The following PLG variants were observed in gnomAD, a reference collection of about 807,000 sequenced individuals.
PLG encodes the protein plasminogen.
PLG carries 41 observed loss-of-function variants against 104.4 expected under a neutral mutation model. That is an observed-to-expected ratio of 0.39 (90% CI 0.31 to 0.51). PLG has a LOEUF of 0.51. Among genes scored for constraint, PLG ranks in the 20% least tolerant of loss-of-function variants. The pLI, the probability that PLG is intolerant of heterozygous loss-of-function variation, is 0.76. For missense variants in PLG, 891 were observed against 1,003.6 expected (o/e 0.89, Z 1.52); for synonymous variants, 337 against 357.1 (o/e 0.94, Z 0.63).
In PLG at chr6:160,718,429, A is replaced by G. The variant is rs1228855762; in HGVS notation, c.923A>G (p.Asn308Ser). The change falls in exon 8 of 19, where the codon AAC (asparagine) becomes AGC (serine). Residue 308 changes from asparagine to serine, a missense_variant. Coordinates refer to ENST00000308192, the MANE Select transcript of PLG (RefSeq NM_000301.5). ...HWSAQTPHTH[N>S]RTPENFPCKN... The stretch of plus-strand genomic sequence containing the variant: ...AGTGCACAGACCCCTCACACACATA[A>G]CAGGACACCAGAAAACTTCCCCTGC... The G allele has an allele frequency of 6.2e-7, 1 of 1,613,644 alleles. No individual in the cohort carries two copies. Among genetic ancestry groups the G allele is most frequent in the African/African-American group, 1.3e-5 (1 of 74,890 alleles).
In PLG at chr6:160,731,989, C is replaced by G. The variant is rs570472903; in HGVS notation, c.1587+96C>G. Reference sequence around the variant, plus strand: ...TACAGAAAATCTGACCTGGACTGCTCTTTTTTGTAATGGGGGAGAGGGGAC... The same window carrying G: ...TACAGAAAATCTGACCTGGACTGCTGTTTTTTGTAATGGGGGAGAGGGGAC... On this transcript the variant is annotated intron_variant, in intron 12 of 18. Coordinates refer to ENST00000308192, the MANE Select transcript of PLG (RefSeq NM_000301.5). The surrounding 1 kb of genome is among the most constrained non-coding windows in gnomAD (Gnocchi z 5.1). 10 of 1,276,816 alleles carry G rather than the reference C, an allele frequency of 7.8e-6. No individual in the cohort carries two copies. The highest frequency in any genetic ancestry group is 1.8e-4 in the Middle Eastern group (1 of 5,430). 79.1% of individuals were successfully genotyped at this position (1,276,816 alleles called of 1,614,324 possible).
At chr6:160,750,353 C>G (rs1778382686) in intron 17 of PLG, among the ~76,000 whole-genome samples, 1 of 152,204 alleles carries the variant, frequency 6.6e-6, no homozygotes, top group Non-Finnish European at 1.5e-5. Context: ...GGTGCCATCT[C>G]TACATCTACC....
At chr6:160,722,013 C>G (rs558850076) in intron 9 of PLG, among the ~76,000 whole-genome samples, 32 of 152,296 alleles carry the variant, frequency 2.1e-4, no homozygotes, top group African/African-American at 7.7e-4. Flanking sequence ...GAGGAAGGAG[C>G]TAGAGAAATG....
chr6:160,709,831 C>T (rs1323136532), intron 3 of PLG, among the ~76,000 whole-genome samples: 1 of 152,222 alleles, frequency 6.6e-6, no homozygotes, highest in East Asian at 1.9e-4. Flanking sequence ...ATGTTAGGAG[C>T]ACTTTCCCCA....
chr6:160,709,823 G>A (rs1777604024), intron 3 of PLG, among the ~76,000 whole-genome samples: 1 of 152,238 alleles, frequency 6.6e-6, no homozygotes, highest in South Asian at 2.1e-4. Context: ...CTGTAGGTAT[G>A]TTAGGAGCAC....
intron 1 of PLG, among the ~76,000 whole-genome samples, chr6:160,704,643 T>C (rs1315241577): frequency 6.6e-6 from 1 of 152,358 alleles, no homozygotes; most frequent in African/African-American, 2.4e-5. Context: ...TCTTTTGATA[T>C]ATCTCTCAAG....
At chr6:160,730,683 T>A (rs1777985187) in intron 10 of PLG, 1 of 261,978 alleles carries the variant, frequency 3.8e-6, no homozygotes, top group East Asian at 9.3e-5. Context: ...GATATACTTT[T>A]ATGTGCATAA....
intron 3 of PLG, chr6:160,708,216 G>A (rs1777567955): frequency 6.0e-6 from 1 of 166,778 alleles, no homozygotes; most frequent in South Asian, 1.5e-4. Flanking sequence ...CAGAAATACT[G>A]AGGTGTTTTA....
chr6:160,726,533 A>T lies in PLG; in HGVS notation c.1256+3966A>T, dbSNP rs1402584626. 6.6e-6 allele frequency among the ~76,000 whole-genome samples: 1 copy of T among 152,016 alleles called. No individual in the cohort carries two copies. Among genetic ancestry groups the T allele is most frequent in the Non-Finnish European group, 1.5e-5 (1 of 67,886 alleles). On this transcript the variant is annotated intron_variant, in intron 10 of 18. Coordinates refer to ENST00000308192, the MANE Select transcript of PLG (RefSeq NM_000301.5). The surrounding 1 kb of genome is among the most constrained non-coding windows in gnomAD (Gnocchi z 4.4). ...TCAAAGTATGCTCTGGAGAAACCTG[A>T]AGTCTCTTGAGATCCCTTCAGAGAC...
Position 160,731,220 on chromosome 6 carries a change from C to A in PLG, c.1426C>A (p.Pro476Thr). 1 of 1,613,758 alleles carries A rather than the reference C, an allele frequency of 6.2e-7. No homozygotes were observed. Among genetic ancestry groups the A allele is most frequent in the Admixed American group, 1.7e-5 (1 of 60,012 alleles). ...TGTCCTGCTTCCAGATGTAGAGACT[C>A]CTTCCGAAGAAGGTAAGAAATCTGT... ...PVVLLPDVET[P>T]SEEDCMFGNG... Residue 476 changes from proline (P) to threonine (T), a missense_variant, in exon 11 of 19, where the codon CCT becomes ACT. Pro to Thr is a conservative substitution (Grantham distance 38). This residue lies in a region of PLG where 854 missense variants were observed against 932.1 expected (regional missense o/e 0.92). Transcript: ENST00000308192. This position sits in a 1 kb window ranked among gnomAD's most constrained non-coding sequence, Gnocchi z 5.1.
intron 1 of PLG, among the ~76,000 whole-genome samples, chr6:160,705,004 T>A (rs1160955884): frequency 6.6e-6 from 1 of 152,202 alleles, no homozygotes; most frequent in Non-Finnish European, 1.5e-5. Flanking sequence ...GCTCGCTGTC[T>A]TCAGAGCCAG....
intron 6 of PLG, among the ~76,000 whole-genome samples, chr6:160,715,374 T>C (rs1171009446): frequency 6.6e-6 from 1 of 152,212 alleles, no homozygotes; most frequent in African/African-American, 2.4e-5. Context: ...CTTTGACCTA[T>C]GAGCAGACGT....
In PLG at chr6:160,707,754, G is replaced by T. The variant is rs762605639; in HGVS notation, c.240G>T (p.Arg80Ser). The T allele has an allele frequency of 1.2e-6, 2 of 1,611,602 alleles. No individual in the cohort carries two copies. The highest frequency in any genetic ancestry group is 1.7e-5 in the Admixed American group (1 of 60,006). Residue 80 changes from arginine (R) to serine (S), a missense_variant, in exon 3 of 19, where the codon AGG becomes AGT. By Grantham distance (110) the Arg-to-Ser change is moderately radical. This residue lies in a region of PLG where 854 missense variants were observed against 932.1 expected (regional missense o/e 0.92). Coordinates refer to ENST00000308192, the MANE Select transcript of PLG (RefSeq NM_000301.5). Reference sequence around the variant, plus strand: ...AATGTGTGATAATGGCTGAAAACAGGAAGTCCTCCATAATCATTAGGATGA... The same window carrying T: ...AATGTGTGATAATGGCTGAAAACAGTAAGTCCTCCATAATCATTAGGATGA... ...EQQCVIMAEN[R>S]KSSIIIRMRD...
intron 2 of PLG, among the ~76,000 whole-genome samples, chr6:160,707,385 C>G (rs960438155): frequency 4.6e-5 from 7 of 151,878 alleles, no homozygotes; most frequent in Non-Finnish European, 8.8e-5. Context: ...TTCAAAGCAA[C>G]CAGAGTTGCT....
rs1295605722 is a variant in PLG, at chr6:160,752,139, A to G, written c.2150A>G (p.Lys717Arg). Residue 717 changes from lysine to arginine, a missense_variant, in exon 18 of 19, where the codon AAG becomes AGG. Around this residue, in one of 2 missense-constraint regions of PLG, gnomAD observed 854 missense variants for 932.1 expected, o/e 0.92. Transcript: ENST00000308192. This position sits in a 1 kb window ranked among gnomAD's most constrained non-coding sequence, Gnocchi z 4.7. ...TQGTFGAGLL[K>R]EAQLPVIENK... Reference sequence around the variant, plus strand: ...GGTACTTTTGGAGCTGGCCTTCTCAAGGAAGCCCAGCTCCCTGTGATTGAG... The same window carrying G: ...GGTACTTTTGGAGCTGGCCTTCTCAGGGAAGCCCAGCTCCCTGTGATTGAG... The G allele has an allele frequency of 1.9e-6, 3 of 1,612,512 alleles. No individual in the cohort carries two copies. Among genetic ancestry groups the G allele is most frequent in the Non-Finnish European group, 2.5e-6 (3 of 1,178,672 alleles).
chr6:160,743,618 G>T (rs1486113870), intron 17 of PLG, among the ~76,000 whole-genome samples: 2 of 152,168 alleles, frequency 1.3e-5, no homozygotes. Flanking sequence ...GGGATCGTTT[G>T]ATTTCCTCTC....
chr6:160,748,374 A>AAGAGAGAGAGAGAGAGAG (rs1331475547), intron 17 of PLG, among the ~76,000 whole-genome samples: 5 of 55,376 alleles, frequency 9.0e-5, no homozygotes, highest in African/African-American at 2.7e-4. Context: ...GAAAGAAAGA[A>AAGAGAGAGAGAGAGAGAG]AGAAAGAAAG....
At chr6:160,704,871 T>C (rs1427405307) in intron 1 of PLG, among the ~76,000 whole-genome samples, 1 of 152,222 alleles carries the variant, frequency 6.6e-6, no homozygotes, top group Non-Finnish European at 1.5e-5. Flanking sequence ...AGGACAGGCC[T>C]TTCTGAGAAT....
intron 4 of PLG, 145 bp downstream of exon 4, chr6:160,711,336 A>C: frequency 1.3e-6 from 1 of 781,368 alleles, no homozygotes; most frequent in Non-Finnish European, 2.1e-6. Flanking sequence ...ATTTGCATAT[A>C]ACCTACATAC....
Sources: gnomAD v4.1 joint callset for allele counts (sites outside exome capture counted in the v4.1 genomes callset) on GRCh38, gnomAD v4.1.1 for gene constraint, gnomAD v4.1.1 regional missense constraint, Gnocchi (gnomAD v3.1) non-coding constraint, MANE v1.5 for transcripts, NCBI Gene and HGNC (gene_info 2026-07-23, HGNC 2026-07-21) for gene names.